The following PRAG1 variants were observed in gnomAD, a reference collection of about 807,000 sequenced individuals.
PRAG1 encodes inactive tyrosine-protein kinase PRAG1.
Under a neutral mutation model 95.6 loss-of-function variants are expected in PRAG1, and 110 were observed. The observed-to-expected ratio is 1.15, with a 90% CI of 0.99 to 1.35. PRAG1 has a LOEUF of 1.35. Among genes scored for constraint, PRAG1 ranks in the 40% most tolerant of loss-of-function variants. The pLI, the probability that PRAG1 is intolerant of heterozygous loss-of-function variation, is 0.00. For missense variants in PRAG1, 2,554 were observed against 1,864.7 expected, an observed-to-expected ratio of 1.37 and a Z score of -6.81; for synonymous variants, 1,052 against 819.4, an observed-to-expected ratio of 1.28 and a Z score of -4.85.
At chr8:8,383,174 G>A (rs1800740451) in intron 1 of PRAG1, among the ~76,000 whole-genome samples, 1 of 152,174 alleles carries the variant, frequency 6.6e-6, no homozygotes, top group South Asian at 2.1e-4. Flanking sequence ...AATCATTCCA[G>A]AGTGTTTGTG....
At chr8:8,332,842 G>C (rs1026072139) in intron 4 of PRAG1, among the ~76,000 whole-genome samples, 2 of 152,120 alleles carry the variant, frequency 1.3e-5, no homozygotes, top group African/African-American at 4.8e-5. Flanking sequence ...TCTTACCTGG[G>C]GAACTATCTC....
At chr8:8,342,279 G>A (rs374516799) in intron 3 of PRAG1, among the ~76,000 whole-genome samples, 2 of 148,136 alleles carry the variant, frequency 1.4e-5, no homozygotes, top group Admixed American at 6.8e-5. Context: ...TGCAAGCTAC[G>A]CCTCCCGGGT....
chr8:8,384,608 CA>C (rs11400182), intron 1 of PRAG1, among the ~76,000 whole-genome samples: 13,510 of 91,886 alleles, frequency 0.15, 504 homozygotes, highest in African/African-American at 0.23. Context: ...CGCATGCAGC[CA>C]AAAAAAAAAA....
intron 3 of PRAG1, among the ~76,000 whole-genome samples, chr8:8,356,450 A>G (rs991190016): frequency 6.6e-6 from 1 of 152,148 alleles, no homozygotes; most frequent in Non-Finnish European, 1.5e-5. Context: ...GGTTCAAGTG[A>G]TCCTCCTGCC....
intron 3 of PRAG1, among the ~76,000 whole-genome samples, chr8:8,351,954 A>G (rs1325651547): frequency 6.6e-6 from 1 of 152,042 alleles, no homozygotes; most frequent in African/African-American, 2.4e-5. Context: ...GCTTGATCGA[A>G]TCCTATTGAA....
intron 4 of PRAG1, among the ~76,000 whole-genome samples, chr8:8,331,849 T>A (rs1052157155): frequency 1.3e-5 from 2 of 152,236 alleles, no homozygotes; most frequent in Admixed American, 1.3e-4. Context: ...ATCTACACCG[T>A]ATCACTACTT....
Position 8,377,376 on chromosome 8 carries a change from T to G in PRAG1, c.1033A>C (p.Ser345Arg). The change falls in exon 3 of 6, where the codon AGC becomes CGC. Residue 345 changes from serine (S) to arginine (R), a missense_variant. Transcript: ENST00000615670. The stretch of plus-strand genomic sequence containing the variant: ...GCGCCGCTGCCGCTGCCGCTGCCGC[T>G]GCCACAAGAGAGGCCGTCGGAAGAA... ...AISSDGLSCGSGSGSGSGASS... is the reference protein window; with the variant it reads ...AISSDGLSCGRGSGSGSGASS... The G allele has an allele frequency of 6.7e-7, 1 of 1,499,370 alleles. No homozygotes were observed. Among genetic ancestry groups the G allele is most frequent in the South Asian group, 1.2e-5 (1 of 84,388 alleles). The allele number at this position is 1,499,370 out of a possible 1,614,324, so 92.9% of individuals were successfully genotyped here. A position where few individuals can be genotyped will look rare whatever the true frequency, so the allele number is the denominator to read the frequency against.
intron 3 of PRAG1, among the ~76,000 whole-genome samples, chr8:8,350,326 T>TTTTTAC: frequency 6.6e-6 from 1 of 152,116 alleles, no homozygotes. Context: ...GAAGAACTCA[T>TTTTTAC]AGCTTGGCTC....
intron 3 of PRAG1, among the ~76,000 whole-genome samples, chr8:8,350,508 C>T (rs1799487131): frequency 6.6e-6 from 1 of 152,186 alleles, no homozygotes; most frequent in Non-Finnish European, 1.5e-5. Context: ...AAGAGAGTAA[C>T]TGCATTCCAC....
Position 8,319,112 on chromosome 8 carries a change from A to T in PRAG1, c.3263T>A (p.Val1088Glu), listed in dbSNP as rs1798390262. ...THPPAQEQDC[V>E]VVITREVPHQ... ...TGGCACCTCTCGGGTGATGACCACC[A>T]CGCAGTCCTGCTCCTGGGCAGGGGG... is the stretch of plus-strand genomic sequence containing the variant. Residue 1088 changes from valine to glutamate, a missense_variant, in exon 6 of 6, where the codon GTG becomes GAG. Transcript: ENST00000615670. The T allele has an allele frequency of 6.2e-7, 1 of 1,609,076 alleles. No individual in the cohort carries two copies. The highest frequency in any genetic ancestry group is 8.5e-7 in the Non-Finnish European group (1 of 1,179,062).
At chr8:8,380,270 C>CA (rs1243822527) in intron 2 of PRAG1, among the ~76,000 whole-genome samples, 18 of 148,018 alleles carry the variant, frequency 1.2e-4, no homozygotes, top group Admixed American at 2.0e-4. Context: ...GAGACTGTCT[C>CA]AAAAAAAAAT....
At chr8:8,361,192 T>C (rs1160788517) in intron 3 of PRAG1, among the ~76,000 whole-genome samples, 2 of 152,192 alleles carry the variant, frequency 1.3e-5, no homozygotes, top group African/African-American at 2.4e-5. Context: ...GAACTTCCCT[T>C]AAAGGAAAGA....
rs747700273 is a variant in PRAG1 at position 8,318,738 on chromosome 8, T to A, written c.3637A>T (p.Ile1213Phe). 2 of 1,605,386 alleles carry A rather than the reference T, an allele frequency of 1.2e-6. No individual in the cohort carries two copies. The highest frequency in any genetic ancestry group is 1.7e-6 in the Non-Finnish European group (2 of 1,176,504). The change falls in exon 6 of 6, where the codon ATC becomes TTC. Residue 1213 changes from isoleucine to phenylalanine, a missense_variant. Coordinates refer to ENST00000615670, the MANE Select transcript of PRAG1 (RefSeq NM_001080826.3). The surrounding 1 kb of genome is among the most constrained non-coding windows in gnomAD (Gnocchi z 4.2). ...GPREKQLPRL[I>F]ISNFLKAKQK... is the part of the protein sequence containing the mutation. ...TTGGCCTTCAAAAAGTTGCTGATGA[T>A]GAGCCGGGGCAGCTGCTTCTCCCGG...
chr8:8,364,106 G>C (rs1013688626), intron 3 of PRAG1, among the ~76,000 whole-genome samples: 1 of 152,190 alleles, frequency 6.6e-6, no homozygotes, highest in Non-Finnish European at 1.5e-5. Flanking sequence ...CAGGAATGAA[G>C]GTTGTGGGGA....
At chr8:8,321,621 T>G (rs1308815102) in intron 5 of PRAG1, among the ~76,000 whole-genome samples, 64 of 152,146 alleles carry the variant, frequency 4.2e-4, no homozygotes, top group Admixed American at 4.2e-3. Flanking sequence ...TCATTCAATC[T>G]CATTAAATCC....
chr8:8,347,865 G>A (rs1159119565), intron 3 of PRAG1, among the ~76,000 whole-genome samples: 1 of 148,114 alleles, frequency 6.8e-6, no homozygotes, highest in Non-Finnish European at 1.5e-5. Flanking sequence ...CACCCAGGCT[G>A]GAGTGCAGCG....
chr8:8,352,630 G>A (rs1799559282), intron 3 of PRAG1, among the ~76,000 whole-genome samples: 1 of 152,190 alleles, frequency 6.6e-6, no homozygotes, highest in South Asian at 2.1e-4. Context: ...ATGACCATAT[G>A]CCTAATTAAT....
intron 3 of PRAG1, among the ~76,000 whole-genome samples, chr8:8,344,229 C>T (rs1054672309): frequency 3.3e-5 from 5 of 152,008 alleles, no homozygotes; most frequent in African/African-American, 9.7e-5. Flanking sequence ...AACTGTTGAA[C>T]GGTGCTTCCA....
chr8:8,376,931 G>A lies in PRAG1; in HGVS notation c.1478C>T (p.Pro493Leu). The A allele has an allele frequency of 6.2e-7, 1 of 1,613,392 alleles. No homozygotes were observed. The highest frequency in any genetic ancestry group is 8.5e-7 in the Non-Finnish European group (1 of 1,180,008). Residue 493 changes from proline (P) to leucine (L), a missense_variant, in exon 3 of 6, where the codon CCT becomes CTT. Transcript: ENST00000615670. Reference protein sequence around the residue: ...EDHRTIYLSSPDSAVGVQWPR... With the variant: ...EDHRTIYLSSLDSAVGVQWPR... ...CCACTGCACCCCCACTGCAGAGTCA[G>A]GGCTGCTCAGGTAGATCGTCCGATG...
Sources: allele counts gnomAD v4.1 joint callset (sites outside exome capture counted in the v4.1 genomes callset), GRCh38; gene constraint gnomAD v4.1.1; non-coding constraint Gnocchi (gnomAD v3.1); transcripts MANE v1.5; gene names NCBI Gene and HGNC (gene_info 2026-07-23, HGNC 2026-07-21).